The following PDE4D variants were observed in gnomAD, a reference collection of about 807,000 sequenced individuals.
PDE4D encodes phosphodiesterase 4D.
PDE4D carries 24 observed loss-of-function variants against 87.4 expected under a neutral mutation model. The observed-to-expected ratio is 0.27, with a 90% confidence interval of 0.20 to 0.39. PDE4D has a LOEUF of 0.39. Ranked by LOEUF, PDE4D falls within the 10% of genes least tolerant of loss-of-function variation. The pLI, the probability that PDE4D is intolerant of heterozygous loss-of-function variation, is 1.00. For synonymous variants in PDE4D, 384 were observed against 383.2 expected (o/e 1.00, Z -0.02); for missense variants, 714 against 1,041.0 (o/e 0.69, Z 4.32).
intron 2 of PDE4D, among the ~76,000 whole-genome samples, chr5:60,050,025 T>G (rs1052566060): frequency 2.0e-5 from 3 of 152,194 alleles, no homozygotes; most frequent in Non-Finnish European, 4.4e-5. Flanking sequence ...GAGACTCTGT[T>G]GGCGTAGGAC....
rs397883539 is a variant in PDE4D at position 59,719,007 on chromosome 5, T to TA, written c.455+174160dup. Reference sequence around the variant, plus strand: ...AACTAAAGCCAGCCACTCTTAGAATTAAAAAAAAAAAAAGCCTCTTGTTTC... The same window carrying TA: ...AACTAAAGCCAGCCACTCTTAGAATTAAAAAAAAAAAAAAGCCTCTTGTTTC... On this transcript the variant is annotated intron_variant, in intron 1 of 14. Transcript: ENST00000340635. 6.7e-3 allele frequency among the ~76,000 whole-genome samples: 933 copies of TA among 139,680 alleles called. 1 individual carries two copies. Among genetic ancestry groups the TA allele is most frequent in the Non-Finnish European group, 8.5e-3 (537 of 63,470 alleles). 91.6% of individuals were successfully genotyped at this position (139,680 alleles called of 152,430 possible). A position where few individuals can be genotyped will look rare whatever the true frequency, so the allele number is the denominator to read the frequency against.
chr5:60,167,865 T>C (rs751075473), intron 2 of PDE4D, among the ~76,000 whole-genome samples: 1 of 152,210 alleles, frequency 6.6e-6, no homozygotes, highest in Non-Finnish European at 1.5e-5. Flanking sequence ...GGTGTCATCA[T>C]GTTTCCCTGA....
Position 60,500,190 on chromosome 5 carries a change from G to C in PDE4D, n.70+21861C>G, listed in dbSNP as rs1196879299. Reference sequence around the variant, plus strand: ...TGTGGTGGCCATACCTGTGGTCCCAGCTACTGGAGAGGCTGAGGAGAAAGG... The same window carrying C: ...TGTGGTGGCCATACCTGTGGTCCCACCTACTGGAGAGGCTGAGGAGAAAGG... On this transcript the variant is annotated intron_variant and non_coding_transcript_variant, in intron 1 of 2. Transcript: ENST00000506510. Among the ~76,000 whole-genome samples, 4 of 152,076 alleles carry C rather than the reference G, an allele frequency of 2.6e-5. No individual in the cohort carries two copies. The East Asian group carries it at 7.7e-4, about 29-fold the overall frequency.
chr5:59,637,976 G>A (rs931895298), intron 1 of PDE4D, among the ~76,000 whole-genome samples: 26 of 152,086 alleles, frequency 1.7e-4, no homozygotes, highest in Non-Finnish European at 2.6e-4. Context: ...GTATTATTTC[G>A]TTATATTTTC....
chr5:60,427,574 A>G (rs1247932414), intron 1 of PDE4D, among the ~76,000 whole-genome samples: 1 of 152,258 alleles, frequency 6.6e-6, no homozygotes, highest in African/African-American at 2.4e-5. Context: ...AAAGTTGAAG[A>G]TAACTGATAC....
chr5:60,088,225 C>T (rs1019895909), intron 2 of PDE4D, among the ~76,000 whole-genome samples: 3 of 151,382 alleles, frequency 2.0e-5, no homozygotes, highest in Non-Finnish European at 4.4e-5. Context: ...AAATTTACAA[C>T]ACGACACTTC....
At chr5:59,692,367 G>A (rs1271580490) in intron 1 of PDE4D, among the ~76,000 whole-genome samples, 1 of 152,066 alleles carries the variant, frequency 6.6e-6, no homozygotes, top group Non-Finnish European at 1.5e-5. Context: ...GAATTCCAAG[G>A]GGATTGGGTG....
At chr5:59,530,265 A>G (rs947696066) in intron 1 of PDE4D, among the ~76,000 whole-genome samples, 3 of 152,152 alleles carry the variant, frequency 2.0e-5, no homozygotes, top group Non-Finnish European at 4.4e-5. Context: ...AATATATGGT[A>G]TACTAAAACT....
At chr5:59,014,815 G>A (rs1026999114) in intron 6 of PDE4D, among the ~76,000 whole-genome samples, 3 of 152,116 alleles carry the variant, frequency 2.0e-5, no homozygotes, top group Admixed American at 6.6e-5. Context: ...GCATTGCCAA[G>A]ACAATCCTAA....
chr5:60,406,183 C>A (rs1445540294), intron 1 of PDE4D, among the ~76,000 whole-genome samples: 1 of 152,196 alleles, frequency 6.6e-6, no homozygotes, highest in Admixed American at 6.5e-5. Flanking sequence ...CATCTCCTAT[C>A]CAAATTTACC....
intron 2 of PDE4D, among the ~76,000 whole-genome samples, chr5:60,162,784 C>T (rs1782571951): frequency 2.0e-5 from 3 of 151,992 alleles, no homozygotes; most frequent in South Asian, 4.1e-4. Context: ...TGCTACCCAA[C>T]CACAAATGGC....
chr5:59,908,236 A>G (rs1753049165), intron 3 of PDE4D, among the ~76,000 whole-genome samples: 1 of 152,158 alleles, frequency 6.6e-6, no homozygotes, highest in Admixed American at 6.5e-5. Context: ...GGCAATCTAC[A>G]CAAGTACTCA....
intron 1 of PDE4D, among the ~76,000 whole-genome samples, chr5:60,357,208 G>A (rs1759694191): frequency 6.6e-6 from 1 of 151,136 alleles, no homozygotes; most frequent in Non-Finnish European, 1.5e-5. Flanking sequence ...CTGTCCCACA[G>A]GTTAGGTGAG....
intron 1 of PDE4D, among the ~76,000 whole-genome samples, chr5:60,415,487 G>C (rs926523434): frequency 3.3e-5 from 5 of 152,222 alleles, no homozygotes; most frequent in Non-Finnish European, 4.4e-5. Flanking sequence ...GGGGCTGCGC[G>C]GCAGGCACTT....
chr5:59,129,305 T>C (rs1775940565), intron 5 of PDE4D, among the ~76,000 whole-genome samples: 2 of 152,204 alleles, frequency 1.3e-5, no homozygotes, highest in South Asian at 2.1e-4. Flanking sequence ...CATCTCCCTA[T>C]GTTGCCCAGG....
chr5:59,691,263 A>G (rs1243245389), intron 1 of PDE4D, among the ~76,000 whole-genome samples: 2 of 152,216 alleles, frequency 1.3e-5, no homozygotes, highest in East Asian at 1.9e-4. Context: ...TATAAGACAC[A>G]TGCACATGTA....
At chr5:59,487,639 A>G (rs538514690) in intron 1 of PDE4D, among the ~76,000 whole-genome samples, 156 of 152,326 alleles carry the variant, frequency 1.0e-3, no homozygotes, top group African/African-American at 3.6e-3. Flanking sequence ...TAGCACTAAT[A>G]AAAAGTAATC....
intron 1 of PDE4D, among the ~76,000 whole-genome samples, chr5:59,489,286 A>C (rs1343450224): frequency 6.0e-5 from 6 of 100,720 alleles, no homozygotes; most frequent in African/African-American, 1.7e-4. Context: ...CAAAAAAAAC[A>C]AAAAAAAACA....
chr5:60,105,823 G>C (rs1005373721), intron 2 of PDE4D, among the ~76,000 whole-genome samples: 12 of 152,236 alleles, frequency 7.9e-5, no homozygotes, highest in African/African-American at 2.9e-4. Context: ...GAGAGATTTT[G>C]TCACCACCAG....
Sources: allele counts gnomAD v4.1 joint callset (sites outside exome capture counted in the v4.1 genomes callset), GRCh38; gene constraint gnomAD v4.1.1; transcripts MANE v1.5; gene names NCBI Gene and HGNC (gene_info 2026-07-23, HGNC 2026-07-21).